The following WWOX variants were observed in gnomAD, a reference collection of about 807,000 sequenced individuals.
The protein encoded by WWOX is WW domain containing oxidoreductase, also known as WW domain-containing oxidoreductase.
A neutral mutation model predicts 46.2 loss-of-function variants in WWOX; 69 were observed. The observed-to-expected ratio is 1.49, with a 90% confidence interval of 1.23 to 1.82. WWOX has a LOEUF of 1.82. Ranked by LOEUF, WWOX falls within the 40% of genes most tolerant of loss-of-function variation. WWOX has a pLI of 0.00. For missense variants in WWOX, 919 were observed against 542.6 expected (o/e 1.69, Z -6.89); for synonymous variants, 359 against 202.6 (o/e 1.77, Z -6.56).
intron 8 of WWOX, among the ~76,000 whole-genome samples, chr16:78,491,845 G>C (rs2084792468): frequency 6.6e-6 from 1 of 152,302 alleles, no homozygotes; most frequent in East Asian, 1.9e-4. Context: ...GATGCCTCCA[G>C]TGGCCCAAGA....
chr16:78,586,641 A>G (rs1412795332), intron 8 of WWOX, among the ~76,000 whole-genome samples: 1 of 152,222 alleles, frequency 6.6e-6, no homozygotes, highest in Non-Finnish European at 1.5e-5. Context: ...TATTAAAAAT[A>G]ATGAGCATTT....
intron 8 of WWOX, among the ~76,000 whole-genome samples, chr16:79,175,133 A>G (rs1159808098): frequency 6.6e-6 from 1 of 152,178 alleles, no homozygotes; most frequent in Admixed American, 6.5e-5. Context: ...GGGTCTAGCT[A>G]TGACCCCATA....
At position 78,652,532 on chromosome 16, in the gene WWOX, C is replaced by T. The variant is rs373688646; in HGVS notation, c.1056+219780C>T. On this transcript the variant is annotated intron_variant, in intron 8 of 8. Coordinates refer to ENST00000566780, the MANE Select transcript of WWOX (RefSeq NM_016373.4). The stretch of plus-strand genomic sequence containing the variant: ...AAAAAGTTGTAATAAATTATGCAGA[C>T]CCCTCAGCAGTTGACTCACCTCTCT... Among the ~76,000 whole-genome samples the T allele has an allele frequency of 5.9e-5, 9 of 152,098 alleles. No homozygotes were observed. The East Asian group carries it at 1.4e-3, about 23-fold the overall frequency.
chr16:79,098,688 A>C (rs74034950), intron 8 of WWOX, among the ~76,000 whole-genome samples: 19,541 of 152,226 alleles, frequency 0.13, 1,322 homozygotes, highest in East Asian at 0.19. Flanking sequence ...AATTGCACAC[A>C]ATACATGTCT....
chr16:78,727,226 C>T (rs1178716979), intron 8 of WWOX, among the ~76,000 whole-genome samples: 4 of 152,164 alleles, frequency 2.6e-5, no homozygotes, highest in African/African-American at 4.8e-5. Flanking sequence ...TGGTGAAACC[C>T]TGTCTCTACT....
intron 8 of WWOX, among the ~76,000 whole-genome samples, chr16:78,454,280 A>C (rs1446594441): frequency 6.6e-6 from 1 of 152,210 alleles, no homozygotes; most frequent in African/African-American, 2.4e-5. Flanking sequence ...GCTCTAAAAC[A>C]GCATCTCTCA....
At chr16:79,209,270 G>T (rs2051629427) in intron 8 of WWOX, among the ~76,000 whole-genome samples, 1 of 152,206 alleles carries the variant, frequency 6.6e-6, no homozygotes, top group African/African-American at 2.4e-5. Flanking sequence ...CTGCAACAAT[G>T]GCATTCTGAA....
At position 78,506,974 on chromosome 16, in the gene WWOX, A is replaced by C. The variant is rs536090973; in HGVS notation, c.1056+74222A>C. 8.5e-5 allele frequency among the ~76,000 whole-genome samples: 13 copies of C among 152,248 alleles called. No homozygotes were observed. In the East Asian group the frequency reaches 2.3e-3, roughly 27 times the overall value. On this transcript the variant is annotated intron_variant, in intron 8 of 8. Transcript: ENST00000566780. The stretch of plus-strand genomic sequence containing the variant: ...AGTGATCCTCCCACCTCAGCTGCCC[A>C]GGGTGCTGGGATCACAGGCGTGAGC...
At chr16:78,118,058 A>G (rs892541485) in intron 4 of WWOX, among the ~76,000 whole-genome samples, 2 of 133,934 alleles carry the variant, frequency 1.5e-5, no homozygotes, top group African/African-American at 5.7e-5. Flanking sequence ...TTTTTTTTTT[A>G]ATGCCCCATA....
intron 8 of WWOX, among the ~76,000 whole-genome samples, chr16:78,913,264 C>A (rs2045158408): frequency 6.6e-6 from 1 of 151,830 alleles, no homozygotes; most frequent in South Asian, 2.1e-4. Context: ...AAGCAGAGGC[C>A]CCAAGACATC....
intron 6 of WWOX, among the ~76,000 whole-genome samples, chr16:78,408,987 T>C (rs945707866): frequency 4.6e-5 from 7 of 152,190 alleles, no homozygotes; most frequent in African/African-American, 1.7e-4. Context: ...AGATGGGCTG[T>C]AGCTCAAGCA....
intron 8 of WWOX, among the ~76,000 whole-genome samples, chr16:78,761,144 G>A (rs753705344): frequency 6.6e-6 from 1 of 152,164 alleles, no homozygotes; most frequent in Non-Finnish European, 1.5e-5. Context: ...TGACTGAGCG[G>A]GGGCTGTTTC....
At chr16:78,425,140 T>C in intron 7 of WWOX, 85 bp downstream of exon 7, 2 of 1,569,128 alleles carry the variant, frequency 1.3e-6, no homozygotes, top group South Asian at 2.2e-5. Flanking sequence ...TGAAAATAAT[T>C]TTCATTAGTC....
At chr16:78,331,946 T>G (rs1567506394) in intron 5 of WWOX, among the ~76,000 whole-genome samples, 1 of 152,178 alleles carries the variant, frequency 6.6e-6, no homozygotes, top group Non-Finnish European at 1.5e-5. Flanking sequence ...GAGCTGGAAT[T>G]TGAACCAGGC....
intron 8 of WWOX, among the ~76,000 whole-genome samples, chr16:78,852,669 C>A (rs966810723): frequency 6.6e-6 from 1 of 152,238 alleles, no homozygotes; most frequent in East Asian, 1.9e-4. Flanking sequence ...TTTTAAGATG[C>A]TTCATTTTGG....
chr16:78,193,395 G>A (rs893542875), intron 5 of WWOX, among the ~76,000 whole-genome samples: 1 of 152,182 alleles, frequency 6.6e-6, no homozygotes, highest in Non-Finnish European at 1.5e-5. Context: ...GAACATACAT[G>A]TTGAAAATTT....
rs1277895966 is a variant in WWOX at position 79,212,388 on chromosome 16, G to A, written c.*592G>A. On this transcript the variant is annotated 3_prime_UTR_variant, in exon 9 of 9. Coordinates refer to ENST00000566780, the MANE Select transcript of WWOX (RefSeq NM_016373.4). ...AGTAGAATACGCAGAACTACCAGGT[G>A]GCAAAGTACTTGTCATAGACTCCTT... 6.4e-6 allele frequency: 3 copies of A among 471,112 alleles called. No individual in the cohort carries two copies. The highest frequency in any genetic ancestry group is 1.1e-5 in the Non-Finnish European group (3 of 269,510). The allele number at this position is 471,112 out of a possible 1,614,324, so 29.2% of individuals were successfully genotyped here. A position where few individuals can be genotyped will look rare whatever the true frequency, so the allele number is the denominator to read the frequency against.
intron 8 of WWOX, among the ~76,000 whole-genome samples, chr16:78,444,565 C>G (rs1293250334): frequency 2.7e-5 from 4 of 145,570 alleles, no homozygotes; most frequent in Admixed American, 2.1e-4. Context: ...GAGTCTCACT[C>G]TGTCACCAGG....
chr16:78,172,745 C>A (rs2035204503), intron 5 of WWOX, among the ~76,000 whole-genome samples: 1 of 152,126 alleles, frequency 6.6e-6, no homozygotes, highest in African/African-American at 2.4e-5. Flanking sequence ...AACCATCACT[C>A]CCAATAATGT....
Sources: allele counts gnomAD v4.1 joint callset (sites outside exome capture counted in the v4.1 genomes callset), GRCh38; gene constraint gnomAD v4.1.1; transcripts MANE v1.5; gene names NCBI Gene and HGNC (gene_info 2026-07-23, HGNC 2026-07-21).